The following SMURF2 variants were observed in gnomAD, a reference collection of about 807,000 sequenced individuals.
The protein encoded by SMURF2 is SMAD specific E3 ubiquitin protein ligase 2.
SMURF2 carries 48 observed loss-of-function variants against 109.6 expected under a neutral mutation model. That is an observed-to-expected ratio of 0.44 (90% CI 0.35 to 0.56). The LOEUF is 0.56. Ranked by LOEUF, SMURF2 falls within the 20% of genes least tolerant of loss-of-function variation. The probability of loss-of-function intolerance (pLI) is 0.01; values close to 1 mark genes in which losing one functional copy is unlikely to be tolerated. For missense variants in SMURF2, 575 were observed against 909.0 expected, an observed-to-expected ratio of 0.63 and a Z score of 4.72; for synonymous variants, 288 against 317.1, an observed-to-expected ratio of 0.91 and a Z score of 0.97.
intron 12 of SMURF2, 45 bp from the exon 13 acceptor site, chr17:64,557,767 C>A (rs1220775354): frequency 1.9e-6 from 2 of 1,070,628 alleles, no homozygotes; most frequent in South Asian, 2.7e-5. Flanking sequence ...TTAATGTATA[C>A]ATTTTTATTA....
chr17:64,609,347 C>A (rs1970011887), intron 1 of SMURF2, among the ~76,000 whole-genome samples: 1 of 152,180 alleles, frequency 6.6e-6, no homozygotes, highest in Non-Finnish European at 1.5e-5. Flanking sequence ...AAGCTGGAGG[C>A]ATCACACTAC....
intron 9 of SMURF2, among the ~76,000 whole-genome samples, chr17:64,577,598 AAG>A (rs1312754336): frequency 2.3e-4 from 35 of 150,390 alleles, no homozygotes; most frequent in African/African-American, 5.6e-4. Context: ...AAAAAAAAAA[AAG>A]AGAGAGAGAG....
chr17:64,601,607 A>G (rs1392687070), intron 2 of SMURF2, among the ~76,000 whole-genome samples: 1 of 152,220 alleles, frequency 6.6e-6, no homozygotes, highest in Non-Finnish European at 1.5e-5. Flanking sequence ...GTAGTAATGT[A>G]AACTAGTACA....
In SMURF2 at chr17:64,551,618, T is replaced by A; in HGVS notation, c.1835A>T (p.His612Leu). Residue 612 changes from histidine to leucine, a missense_variant, in exon 16 of 19, where the codon CAT (histidine) becomes CTT (leucine). This residue lies in a region of SMURF2 where 361 missense variants were observed against 612.1 expected (regional missense o/e 0.59). Coordinates refer to ENST00000262435, the MANE Select transcript of SMURF2 (RefSeq NM_022739.4). ...CTTCTCATCAAATGTCTTCAGCAGA[T>A]GTTGTGGAATTACTTCATTAAATCC... ...QKGFNEVIPQ[H>L]LLKTFDEKEL... 5.0e-6 allele frequency: 8 copies of A among 1,614,068 alleles called. No homozygotes were observed. The highest frequency in any genetic ancestry group is 6.8e-6 in the Non-Finnish European group (8 of 1,179,964).
chr17:64,657,277 T>C lies in SMURF2; in HGVS notation c.52+4552A>G, dbSNP rs140593038. On this transcript the variant is annotated intron_variant, in intron 1 of 18. Transcript: ENST00000262435. ...AGTTGAGCCTTAAAAGATGGGCAAG[T>C]ATTGCTAGGGGCGAGGGCATTCATA... 3.0e-3 allele frequency among the ~76,000 whole-genome samples: 459 copies of C among 152,234 alleles called. 1 individual carries two copies. Among genetic ancestry groups the C allele is most frequent in the African/African-American group, 0.011 (440 of 41,542 alleles).
intron 2 of SMURF2, among the ~76,000 whole-genome samples, chr17:64,599,845 C>T (rs77609501): frequency 0.053 from 8,052 of 152,216 alleles, 306 homozygotes; most frequent in Admixed American, 0.13. Flanking sequence ...GGAGGACTTT[C>T]CTAGCAAAAG....
At chr17:64,616,432 T>A (rs1055169281) in intron 1 of SMURF2, among the ~76,000 whole-genome samples, 2 of 151,616 alleles carry the variant, frequency 1.3e-5, no homozygotes, top group Non-Finnish European at 2.9e-5. Context: ...GGGCGGATCA[T>A]GAGGTCAGGA....
At chr17:64,596,341 T>TC (rs1351766529) in intron 3 of SMURF2, among the ~76,000 whole-genome samples, 2 of 151,804 alleles carry the variant, frequency 1.3e-5, no homozygotes, top group Non-Finnish European at 2.9e-5. Context: ...ATAGATGAGC[T>TC]CCCATCTGTG....
intron 1 of SMURF2, among the ~76,000 whole-genome samples, chr17:64,651,747 G>A (rs1555693538): frequency 6.6e-6 from 1 of 151,822 alleles, no homozygotes; most frequent in Non-Finnish European, 1.5e-5. Flanking sequence ...ACACAGTGAG[G>A]CCCCATGTCT....
At position 64,604,065 on chromosome 17, in the gene SMURF2, G is replaced by A. The variant is rs1054518793; in HGVS notation, c.91+2537C>T. ...ATTTATATTTAATTGAAGAATTTAG[G>A]AATTACTGTCTCTGAAATTAATGTG... is the stretch of plus-strand genomic sequence containing the variant. On this transcript the variant is annotated intron_variant, in intron 2 of 18. Transcript: ENST00000262435. 1.1e-4 allele frequency among the ~76,000 whole-genome samples: 17 copies of A among 152,074 alleles called. 1 individual carries two copies. Among genetic ancestry groups the A allele is most frequent in the African/African-American group, 3.9e-4 (16 of 41,410 alleles).
intron 1 of SMURF2, among the ~76,000 whole-genome samples, chr17:64,635,845 A>G (rs1410072841): frequency 2.0e-5 from 3 of 152,180 alleles, no homozygotes; most frequent in African/African-American, 4.8e-5. Context: ...CTAGGAATGG[A>G]ATTGCTGAGT....
intron 13 of SMURF2, among the ~76,000 whole-genome samples, chr17:64,557,124 A>G (rs1969132944): frequency 6.6e-6 from 1 of 152,224 alleles, no homozygotes; most frequent in Non-Finnish European, 1.5e-5. Context: ...TGTAGAGTGA[A>G]TAACATACAG....
Position 64,580,920 on chromosome 17 carries a change from C to T in SMURF2, c.641G>A (p.Gly214Glu), listed in dbSNP as rs555623415. The T allele has an allele frequency of 5.0e-6, 8 of 1,614,112 alleles. No homozygotes were observed. In the South Asian group the frequency reaches 7.7e-5, roughly 16 times the overall value. ...CTGTCCACATGTTGCACCATTTGTT[C>T]CACTAATTGGAGTGTTCTCATCAAC... Reference protein sequence around the residue: ...CFVDENTPISGTNGATCGQSS... With the variant: ...CFVDENTPISETNGATCGQSS... Residue 214 changes from glycine (G) to glutamate (E), a missense_variant, in exon 8 of 19, where the codon GGA (glycine) becomes GAA (glutamate). Gly to Glu is a moderately conservative substitution (Grantham distance 98, BLOSUM62 -2). Coordinates refer to ENST00000262435, the MANE Select transcript of SMURF2 (RefSeq NM_022739.4).
At chr17:64,609,773 G>C (rs1029154976) in intron 1 of SMURF2, among the ~76,000 whole-genome samples, 2 of 151,940 alleles carry the variant, frequency 1.3e-5, no homozygotes, top group Admixed American at 6.6e-5. Flanking sequence ...ATAGACAAAT[G>C]GGATCTAACT....
At chr17:64,586,512 G>A (rs1338643476) in intron 5 of SMURF2, among the ~76,000 whole-genome samples, 1 of 152,052 alleles carries the variant, frequency 6.6e-6, no homozygotes, top group African/African-American at 2.4e-5. Context: ...ACTTTGGGAG[G>A]CCGAGGCGGG....
chr17:64,558,740 G>A (rs1049085472), intron 12 of SMURF2, among the ~76,000 whole-genome samples: 2 of 152,086 alleles, frequency 1.3e-5, no homozygotes, highest in African/African-American at 4.8e-5. Flanking sequence ...CTTCCACCTT[G>A]AATTTATTAA....
At chr17:64,574,294 T>G (rs751233863) in intron 9 of SMURF2, among the ~76,000 whole-genome samples, 4 of 152,188 alleles carry the variant, frequency 2.6e-5, no homozygotes, top group Non-Finnish European at 5.9e-5. Flanking sequence ...TATGTCTCAC[T>G]GGGAGCTGGT....
At chr17:64,597,073 G>A (rs1296838624) in intron 3 of SMURF2, among the ~76,000 whole-genome samples, 1 of 152,160 alleles carries the variant, frequency 6.6e-6, no homozygotes, top group Non-Finnish European at 1.5e-5. Flanking sequence ...GAAGAGGCTT[G>A]TGTCATGAGA....
chr17:64,648,779 A>AAC (rs376328927), intron 1 of SMURF2, among the ~76,000 whole-genome samples: 61 of 151,686 alleles, frequency 4.0e-4, no homozygotes, highest in Admixed American at 9.2e-4. Flanking sequence ...CAAAAAACAA[A>AAC]ACACACACAC....
Sources: allele counts gnomAD v4.1 joint callset (sites outside exome capture counted in the v4.1 genomes callset), GRCh38; gene constraint gnomAD v4.1.1; regional missense constraint gnomAD v4.1.1; transcripts MANE v1.5; gene names NCBI Gene and HGNC (gene_info 2026-07-23, HGNC 2026-07-21).